NFATC1: variants seen among roughly 807,000 people sequenced by gnomAD.
NFATC1 encodes nuclear factor of activated T cells 1, also known as nuclear factor of activated T-cells, cytoplasmic 1.
NFATC1 carries 22 observed loss-of-function variants against 76.0 expected under a neutral mutation model. The ratio of observed to expected loss-of-function variants is 0.29; its 90% confidence interval spans 0.21 to 0.41. The LOEUF is 0.41. Among genes scored for constraint, NFATC1 ranks in the 10% least tolerant of loss-of-function variants. The pLI is 1.00. For synonymous variants in NFATC1, 704 were observed against 613.1 expected, an observed-to-expected ratio of 1.15 and a Z score of -2.19; for missense variants, 1,357 against 1,337.7, an observed-to-expected ratio of 1.01 and a Z score of -0.23.
At chr18:79,482,495 TTCCTGGGGTGTCATTCCAGCGTGACCTGG>T (rs2089318345) in intron 8 of NFATC1, among the ~76,000 whole-genome samples, 1 of 143,632 alleles carries the variant, frequency 7.0e-6, no homozygotes, top group Non-Finnish European at 1.5e-5. Context: ...CATGAGCTGT[TTCCTGGGGTGTCATTCCAGCGTGACCTGG>T]TCCTGGGGTG....
At chr18:79,516,031 C>G (rs772463083) in intron 9 of NFATC1, 1 of 151,668 alleles carries the variant, frequency 6.6e-6, no homozygotes, top group African/African-American at 2.4e-5. Context: ...GACAGCCTGT[C>G]GGAATCTCCC....
At position 79,486,388 on chromosome 18, in the gene NFATC1, G is replaced by C. The variant is rs55839918; in HGVS notation, c.2233G>C (p.Val745Leu). 2.5e-6 allele frequency: 4 copies of C among 1,612,746 alleles called. No homozygotes were observed. In the African/African-American group the frequency reaches 5.3e-5, roughly 22 times the overall value. The change falls in exon 9 of 10, where the codon GTG becomes CTG. Residue 745 changes from valine to leucine, a missense_variant. By Grantham distance (32) the Val-to-Leu change is conservative. Transcript: ENST00000427363. ...GCCACCCGACCCCAGCTCCTGCCTCGTGGCCGGCTTCCCGCCCTGTCCGCA... is the reference window on the plus strand; with the variant it reads ...GCCACCCGACCCCAGCTCCTGCCTCCTGGCCGGCTTCCCGCCCTGTCCGCA... The part of the protein sequence containing the change: ...AMPPDPSSCL[V>L]AGFPPCPQRS...
intron 2 of NFATC1, among the ~76,000 whole-genome samples, chr18:79,417,079 A>ACCCC (rs1359767422): frequency 6.6e-6 from 1 of 151,932 alleles, no homozygotes; most frequent in Non-Finnish European, 1.5e-5. Flanking sequence ...GGTCCCCAGG[A>ACCCC]AGCCCTCAGC....
chr18:79,430,690 T>C (rs2086561183), intron 2 of NFATC1, among the ~76,000 whole-genome samples: 1 of 151,518 alleles, frequency 6.6e-6, no homozygotes, highest in African/African-American at 2.4e-5. Flanking sequence ...GCCATGAATT[T>C]TGTTTTTCAT....
chr18:79,417,210 GTGGGAGA>G (rs1415320853), intron 2 of NFATC1, among the ~76,000 whole-genome samples: 8 of 139,514 alleles, frequency 5.7e-5, no homozygotes, highest in South Asian at 2.6e-4. Flanking sequence ...ATGGGCTGTG[GTGGGAGA>G]TGGGAGATGG....
Position 79,471,439 on chromosome 18 carries a change from C to G in NFATC1, c.2092+3857C>G, listed in dbSNP as rs530086291. ...CAAGTTACAAACTCAAAATTACCTA[C>G]CAAAGTCAGTATTTTTTTAAACGAG... On this transcript the variant is annotated intron_variant, in intron 8 of 9. Coordinates refer to ENST00000427363, the MANE Select transcript of NFATC1 (RefSeq NM_001278669.2). Among the ~76,000 whole-genome samples the G allele has an allele frequency of 6.6e-5, 10 of 152,326 alleles. 1 individual carries two copies. The highest frequency in any genetic ancestry group is 5.2e-4 in the Admixed American group (8 of 15,304).
At position 79,529,252 on chromosome 18, in the gene NFATC1, ACGTTTGAT is replaced by A. The variant is rs2090843140; in HGVS notation, c.*1676_*1683del. On this transcript the variant is annotated 3_prime_UTR_variant, in exon 10 of 10. Transcript: ENST00000427363. ...TCAGGGGACTGTCATTGAAAAGGAAACGTTTGATGTCTGTGTCAGCTGTCTTTGTAGTT... is the reference window on the plus strand; with the variant it reads ...TCAGGGGACTGTCATTGAAAAGGAAAGTCTGTGTCAGCTGTCTTTGTAGTT... 1.3e-5 allele frequency: 2 copies of A among 152,166 alleles called. No individual in the cohort carries two copies. Among genetic ancestry groups the A allele is most frequent in the Admixed American group, 1.3e-4 (2 of 15,284 alleles). 9.4% of individuals were successfully genotyped at this position (152,166 alleles called of 1,614,324 possible).
intron 3 of NFATC1, among the ~76,000 whole-genome samples, 191 bp downstream of exon 3, chr18:79,433,929 C>T (rs1342931526): frequency 2.6e-5 from 4 of 152,276 alleles, no homozygotes; most frequent in African/African-American, 9.6e-5. Flanking sequence ...CCTGCTTCCA[C>T]ACGTGCAGGC....
chr18:79,409,424 A>AC (rs1236286542), intron 1 of NFATC1, among the ~76,000 whole-genome samples: 4 of 151,098 alleles, frequency 2.6e-5, no homozygotes, highest in African/African-American at 9.8e-5. Context: ...TCCATCCATC[A>AC]CCATCCATTT....
At chr18:79,476,382 T>C (rs897244857) in intron 8 of NFATC1, among the ~76,000 whole-genome samples, 3 of 152,262 alleles carry the variant, frequency 2.0e-5, no homozygotes, top group African/African-American at 7.2e-5. Context: ...CGGGCGAGGA[T>C]TGGCGAAAGC....
chr18:79,507,983 C>T (rs1270566100), intron 9 of NFATC1, among the ~76,000 whole-genome samples: 1 of 152,250 alleles, frequency 6.6e-6, no homozygotes, highest in Non-Finnish European at 1.5e-5. Context: ...TTCCCTTTTC[C>T]ACAGTAGCTG....
intron 3 of NFATC1, among the ~76,000 whole-genome samples, chr18:79,440,883 G>T (rs1017718070): frequency 6.6e-6 from 1 of 152,166 alleles, no homozygotes; most frequent in African/African-American, 2.4e-5. Context: ...GTTGGTGGCT[G>T]TTCCTTGCCC....
At chr18:79,433,081 T>A (rs567267067) in intron 2 of NFATC1, among the ~76,000 whole-genome samples, 2 of 152,294 alleles carry the variant, frequency 1.3e-5, no homozygotes, top group South Asian at 2.1e-4. Context: ...GCCTTCTGTT[T>A]GTCTTGCAGC....
At chr18:79,425,991 C>T (rs923251211) in intron 2 of NFATC1, among the ~76,000 whole-genome samples, 7 of 152,180 alleles carry the variant, frequency 4.6e-5, no homozygotes, top group South Asian at 2.1e-4. Flanking sequence ...GCACCAGGAT[C>T]GCTGGAGCCC....
chr18:79,499,524 CAAT>C (rs1369951214), intron 9 of NFATC1, among the ~76,000 whole-genome samples: 3 of 152,138 alleles, frequency 2.0e-5, no homozygotes, highest in Non-Finnish European at 2.9e-5. Flanking sequence ...CCTACCGTAT[CAAT>C]AATCACATTA....
intron 1 of NFATC1, among the ~76,000 whole-genome samples, chr18:79,409,711 C>T (rs2085592555): frequency 6.6e-6 from 1 of 152,160 alleles, no homozygotes; most frequent in African/African-American, 2.4e-5. Context: ...CACCCACCCA[C>T]CAACCATCCA....
Position 79,396,311 on chromosome 18 carries a change from C to T in NFATC1, c.87C>T (p.Pro29=). 2.8e-6 allele frequency: 4 copies of T among 1,421,800 alleles called. No individual in the cohort carries two copies. Among genetic ancestry groups the T allele is most frequent in the Non-Finnish European group, 3.7e-6 (4 of 1,073,246 alleles). The allele number at this position is 1,421,800 out of a possible 1,614,324, so 88.1% of individuals were successfully genotyped here. A position where few individuals can be genotyped will look rare whatever the true frequency, so the allele number is the denominator to read the frequency against. The part of the protein sequence containing the change: ...AVFGRGETLG[P]APRAGGTMKS... ...TCGGGAGAGGAGAAACTTTGGGGCC[C>T]GCGCCGCGCGCCGGCGGCACCATGA... Residue 29 remains proline, a synonymous_variant, in exon 1 of 10, where the codon CCC becomes CCT. Coordinates refer to ENST00000427363, the MANE Select transcript of NFATC1 (RefSeq NM_001278669.2).
intron 3 of NFATC1, among the ~76,000 whole-genome samples, chr18:79,446,979 C>T (rs2087233391): frequency 6.6e-6 from 1 of 152,280 alleles, no homozygotes; most frequent in Non-Finnish European, 1.5e-5. Context: ...CGCGGCGTCC[C>T]AGTCCCTGCC....
At chr18:79,463,845 C>T (rs997638397) in intron 7 of NFATC1, among the ~76,000 whole-genome samples, 21 of 152,314 alleles carry the variant, frequency 1.4e-4, no homozygotes, top group Non-Finnish European at 2.1e-4. Context: ...TGCAGGATGC[C>T]GGAGCTGGGC....
Sources: gnomAD v4.1 joint callset for allele counts (sites outside exome capture counted in the v4.1 genomes callset) on GRCh38, gnomAD v4.1.1 for gene constraint, MANE v1.5 for transcripts, NCBI Gene and HGNC (gene_info 2026-07-23, HGNC 2026-07-21) for gene names.